The following PAK5 variants were observed in gnomAD, a reference collection of about 807,000 sequenced individuals.
PAK5 encodes p21 (RAC1) activated kinase 5, also known as serine/threonine-protein kinase PAK 5.
A neutral mutation model predicts 65.9 loss-of-function variants in PAK5; 16 were observed. The observed-to-expected ratio is 0.24, with a 90% CI of 0.16 to 0.37. The LOEUF is 0.37. Among genes scored for constraint, PAK5 ranks in the 10% least tolerant of loss-of-function variants. PAK5 has a pLI of 1.00. For synonymous variants in PAK5, 371 were observed against 354.9 expected, an observed-to-expected ratio of 1.05 and a Z score of -0.51; for missense variants, 785 against 903.9, an observed-to-expected ratio of 0.87 and a Z score of 1.69.
At chr20:9,649,839 T>C (rs993228715) in intron 2 of PAK5, among the ~76,000 whole-genome samples, 1 of 152,188 alleles carries the variant, frequency 6.6e-6, no homozygotes, top group Non-Finnish European at 1.5e-5. Flanking sequence ...TCACATATTC[T>C]GTTCACAGTA....
At chr20:9,716,961 T>G (rs1168429086) in intron 1 of PAK5, among the ~76,000 whole-genome samples, 1 of 151,970 alleles carries the variant, frequency 6.6e-6, no homozygotes, top group Non-Finnish European at 1.5e-5. Flanking sequence ...GGTGCAGGCC[T>G]GTAGCCCCAG....
intron 1 of PAK5, among the ~76,000 whole-genome samples, chr20:9,712,601 G>C (rs2048091476): frequency 6.6e-6 from 1 of 152,092 alleles, no homozygotes. Flanking sequence ...AGGCATTAAA[G>C]TACTTGATTT....
At chr20:9,641,701 G>A (rs1038335660) in intron 3 of PAK5, among the ~76,000 whole-genome samples, 6 of 152,086 alleles carry the variant, frequency 3.9e-5, no homozygotes, top group East Asian at 3.9e-4. Context: ...GGAGGCTCAG[G>A]CATGGCGGGC....
chr20:9,624,785 A>T (rs2046819999), intron 3 of PAK5, among the ~76,000 whole-genome samples: 1 of 152,082 alleles, frequency 6.6e-6, no homozygotes, highest in East Asian at 1.9e-4. Context: ...AGTCTGTAAA[A>T]GAAGGATAAT....
intron 1 of PAK5, among the ~76,000 whole-genome samples, chr20:9,743,468 A>G (rs1260911276): frequency 6.6e-6 from 1 of 152,096 alleles, no homozygotes; most frequent in African/African-American, 2.4e-5. Flanking sequence ...CTAAATCTAA[A>G]TGGCTTAAAC....
At chr20:9,819,528 C>T (rs906714997) in intron 1 of PAK5, among the ~76,000 whole-genome samples, 1 of 152,100 alleles carries the variant, frequency 6.6e-6, no homozygotes, top group South Asian at 2.1e-4. Context: ...TTATATTGCT[C>T]AATTTTACTT....
chr20:9,784,507 C>G (rs1304601209), intron 1 of PAK5: 1 of 152,116 alleles, frequency 6.6e-6, no homozygotes, highest in Non-Finnish European at 1.5e-5. Context: ...AGACAGAAAC[C>G]TGAAGATAAA....
chr20:9,693,435 C>T (rs1716938717), intron 2 of PAK5, among the ~76,000 whole-genome samples: 1 of 151,946 alleles, frequency 6.6e-6, no homozygotes, highest in Admixed American at 6.6e-5. Flanking sequence ...GTTTACCTGT[C>T]CATTTCCATC....
At chr20:9,740,008 A>C (rs2080096287) in intron 1 of PAK5, among the ~76,000 whole-genome samples, 1 of 152,190 alleles carries the variant, frequency 6.6e-6, no homozygotes, top group Non-Finnish European at 1.5e-5. Flanking sequence ...TATATTTGGC[A>C]GTTGCACATA....
chr20:9,717,024 G>A (rs748744295), intron 1 of PAK5, among the ~76,000 whole-genome samples: 1 of 151,560 alleles, frequency 6.6e-6, no homozygotes, highest in East Asian at 1.9e-4. Context: ...GGTAGAGGTT[G>A]CAGTGAGCTG....
At chr20:9,647,257 C>T (rs1035222298) in intron 2 of PAK5, among the ~76,000 whole-genome samples, 1 of 152,208 alleles carries the variant, frequency 6.6e-6, no homozygotes, top group East Asian at 1.9e-4. Flanking sequence ...CAGGAAATTA[C>T]ACCAATAATT....
intron 1 of PAK5, among the ~76,000 whole-genome samples, chr20:9,724,536 A>C (rs192656747): frequency 6.6e-6 from 1 of 152,184 alleles, no homozygotes; most frequent in South Asian, 2.1e-4. Context: ...ATCAAATAAG[A>C]ATTTTTAACA....
chr20:9,735,906 T>C (rs928020286), intron 1 of PAK5, among the ~76,000 whole-genome samples: 29 of 151,264 alleles, frequency 1.9e-4, no homozygotes, highest in African/African-American at 7.1e-4. Flanking sequence ...CAATCTATTT[T>C]TTTTTTTTTT....
intron 3 of PAK5, among the ~76,000 whole-genome samples, chr20:9,624,811 G>T (rs146400705): frequency 1.3e-5 from 2 of 152,174 alleles, no homozygotes; most frequent in Non-Finnish European, 2.9e-5. Context: ...CCTCACAGGG[G>T]CTTAGATGGG....
At chr20:9,757,977 A>G (rs996459136) in intron 1 of PAK5, among the ~76,000 whole-genome samples, 8 of 152,178 alleles carry the variant, frequency 5.3e-5, no homozygotes, top group Non-Finnish European at 1.2e-4. Flanking sequence ...AAAAGTAAAT[A>G]TGGATGTTTG....
At chr20:9,581,934 C>T (rs1235299490) in intron 3 of PAK5, among the ~76,000 whole-genome samples, 1 of 152,152 alleles carries the variant, frequency 6.6e-6, no homozygotes, top group East Asian at 1.9e-4. Flanking sequence ...TAGAAGATTT[C>T]AAACTGGAGG....
At chr20:9,604,152 A>G (rs541416883) in intron 3 of PAK5, among the ~76,000 whole-genome samples, 158 of 152,316 alleles carry the variant, frequency 1.0e-3, no homozygotes, top group African/African-American at 2.1e-3. Context: ...GGGAGTGGCC[A>G]ACCTGATTAG....
At chr20:9,790,336 G>A (rs1256776973) in intron 1 of PAK5, among the ~76,000 whole-genome samples, 1 of 151,964 alleles carries the variant, frequency 6.6e-6, no homozygotes. Context: ...ACAGTATAAA[G>A]GGGCCCCAGA....
In PAK5 at chr20:9,584,753, A is replaced by T. The variant is rs144420516; in HGVS notation, c.205-3823T>A. On this transcript the variant is annotated intron_variant, in intron 3 of 9. Coordinates refer to ENST00000353224, the MANE Select transcript of PAK5 (RefSeq NM_177990.4). ...CTGTTTTTTAAAAGAAAACAGAAAC[A>T]GTTTGTTTGTATCACAGTGTATCAA... is the stretch of plus-strand genomic sequence containing the variant. 8.3e-4 allele frequency among the ~76,000 whole-genome samples: 127 copies of T among 152,352 alleles called. 1 individual carries two copies. Among genetic ancestry groups the T allele is most frequent in the African/African-American group, 2.9e-3 (120 of 41,568 alleles).
Sources: allele counts gnomAD v4.1 joint callset (sites outside exome capture counted in the v4.1 genomes callset), GRCh38; gene constraint gnomAD v4.1.1; transcripts MANE v1.5; gene names NCBI Gene and HGNC (gene_info 2026-07-23, HGNC 2026-07-21).